MEX3D: variants seen among roughly 807,000 people sequenced by gnomAD.
MEX3D encodes the protein mex-3 RNA binding family member D, also known as RNA-binding protein MEX3D.
MEX3D carries 4 observed loss-of-function variants against 6.3 expected under a neutral mutation model. The observed-to-expected ratio is 0.64, with a 90% CI of 0.31 to 1.46. The LOEUF is 1.46. Among genes scored for constraint, MEX3D ranks in the 40% most tolerant of loss-of-function variants. The pLI is 0.07. For missense variants in MEX3D, 1,038 were observed against 994.4 expected (o/e 1.04, Z -0.59); for synonymous variants, 626 against 494.1 (o/e 1.27, Z -3.54).
rs375851538 is a variant in MEX3D at position 1,556,604 on chromosome 19, G to C, written c.915C>G (p.Thr305=). 1.2e-6 allele frequency: 2 copies of C among 1,610,074 alleles called. No individual in the cohort carries two copies. Among genetic ancestry groups the C allele is most frequent in the African/African-American group, 1.3e-5 (1 of 74,904 alleles). Residue 305 remains threonine, a synonymous_variant, in exon 2 of 2, where the codon ACC becomes ACG. Coordinates refer to ENST00000402693, the MANE Select transcript of MEX3D (RefSeq NM_203304.4). The surrounding 1 kb of genome is among the most constrained non-coding windows in gnomAD (Gnocchi z 7.5). ...TIKRIQQRTH[T]YIVTPGRDKE... is the part of the protein sequence containing the mutation. ...TGTCGCGCCCGGGCGTCACGATGTA[G>C]GTGTGCGTCCGCTGCTGGATGCGCT...
chr19:1,556,781 G>C lies in MEX3D; in HGVS notation c.738C>G (p.His246Gln). Reference sequence around the variant, plus strand: ...TGCGCGTGGCGCGGATGATGGAGAAGTGTTCGGCCGCCGACAGGATCTCAC... The same window carrying C: ...TGCGCGTGGCGCGGATGATGGAGAACTGTTCGGCCGCCGACAGGATCTCAC... ...AKREILSAAEHFSIIRATRSK... is the reference protein window; with the variant it reads ...AKREILSAAEQFSIIRATRSK... Residue 246 changes from histidine (H) to glutamine (Q), a missense_variant, in exon 2 of 2, where the codon CAC becomes CAG. Physicochemically the swap from His to Gln is conservative, Grantham distance 24. Coordinates refer to ENST00000402693, the MANE Select transcript of MEX3D (RefSeq NM_203304.4). This position sits in a 1 kb window ranked among gnomAD's most constrained non-coding sequence, Gnocchi z 7.5. 6.2e-7 allele frequency: 1 copy of C among 1,612,582 alleles called. No homozygotes were observed. The highest frequency in any genetic ancestry group is 8.5e-7 in the Non-Finnish European group (1 of 1,179,790).
intron 1 of MEX3D, among the ~76,000 whole-genome samples, chr19:1,566,474 C>T (rs933484981): frequency 3.3e-5 from 5 of 152,214 alleles, no homozygotes; most frequent in South Asian, 2.1e-4. Flanking sequence ...GAGGCAGGGA[C>T]CCCCAGCCCA....
intron 1 of MEX3D, among the ~76,000 whole-genome samples, chr19:1,559,520 C>T (rs763123937): frequency 6.6e-6 from 1 of 152,210 alleles, no homozygotes; most frequent in Non-Finnish European, 1.5e-5. Context: ...CCTGCCTCGG[C>T]CTCCCAAAGT....
intron 1 of MEX3D, among the ~76,000 whole-genome samples, chr19:1,562,347 A>G (rs994450915): frequency 2.7e-5 from 4 of 150,874 alleles, no homozygotes; most frequent in Non-Finnish European, 5.9e-5. Flanking sequence ...CAACATGGTG[A>G]AACCCCATCT....
intron 1 of MEX3D, among the ~76,000 whole-genome samples, chr19:1,565,428 G>C (rs1914814892): frequency 6.6e-6 from 1 of 152,124 alleles, no homozygotes; most frequent in Non-Finnish European, 1.5e-5. Context: ...TGTAATCCCA[G>C]CTACTCAGGA....
intron 1 of MEX3D, among the ~76,000 whole-genome samples, chr19:1,562,264 A>AGAAAAG (rs1229355634): frequency 2.1e-4 from 32 of 149,712 alleles, no homozygotes; most frequent in Middle Eastern, 3.7e-3. Context: ...CCGTCTCAAA[A>AGAAAAG]AAAAAAAAAA....
At chr19:1,557,061 A>C (rs1914592345) in intron 1 of MEX3D, 138 bp from the exon 2 acceptor site, 1 of 1,060,610 alleles carries the variant, frequency 9.4e-7, no homozygotes, top group Admixed American at 2.7e-5. Flanking sequence ...ATCCTCAGAC[A>C]CGCCACGTCC....
In MEX3D at chr19:1,567,104, G is replaced by A. The variant is rs1222079245; in HGVS notation, c.595+360C>T. Among the ~76,000 whole-genome samples the A allele has an allele frequency of 6.6e-6, 1 of 152,058 alleles. No individual in the cohort carries two copies. The highest frequency in any genetic ancestry group is 1.5e-5 in the Non-Finnish European group (1 of 67,934). On this transcript the variant is annotated intron_variant, in intron 1 of 1. Coordinates refer to ENST00000402693, the MANE Select transcript of MEX3D (RefSeq NM_203304.4). The surrounding 1 kb of genome is among the most constrained non-coding windows in gnomAD (Gnocchi z 6.5). ...GCCCCGCCGCCTGTGCTGGGTGTGG[G>A]GCGCCCCCCGCCCGGCCGGAGCCCC...
chr19:1,558,424 GAC>G (rs1285163289), intron 1 of MEX3D, among the ~76,000 whole-genome samples: 1 of 151,622 alleles, frequency 6.6e-6, no homozygotes, highest in East Asian at 1.9e-4. Context: ...GCCTTGTGGA[GAC>G]ACAGACAGAG....
rs760022510 is a variant in MEX3D, at chr19:1,555,376, C to T, written c.*187G>A. ...CTGAGGCGCCGCCGGGCTGCGGGGT[C>T]TCCGTCTCCACGCCTGAGGCGGCAG... On this transcript the variant is annotated 3_prime_UTR_variant, in exon 2 of 2. Transcript: ENST00000402693. The T allele has an allele frequency of 5.6e-6, 9 of 1,601,854 alleles. No individual in the cohort carries two copies. Among genetic ancestry groups the T allele is most frequent in the South Asian group, 5.5e-5 (5 of 90,102 alleles).
In MEX3D at chr19:1,555,703, C is replaced by T. The variant is rs770337930; in HGVS notation, c.1816G>A (p.Gly606Ser). ...LARECVVCAE[G>S]EVMAALVPCG... The stretch of plus-strand genomic sequence containing the variant: ...GGGACCAGCGCAGCCATCACCTCGC[C>T]CTCGGCGCACACCACGCACTCTCGC... The change falls in exon 2 of 2, where the codon GGC becomes AGC. Residue 606 changes from glycine to serine, a missense_variant. By Grantham distance (56) the Gly-to-Ser change is moderately conservative (BLOSUM62 0). This residue lies in a region of MEX3D where 581 missense variants were observed against 516.2 expected (regional missense o/e 1.13). Transcript: ENST00000402693. 1 of 1,554,524 alleles carries T rather than the reference C, an allele frequency of 6.4e-7. No individual in the cohort carries two copies. The highest frequency in any genetic ancestry group is 8.7e-7 in the Non-Finnish European group (1 of 1,155,300).
intron 1 of MEX3D, among the ~76,000 whole-genome samples, chr19:1,563,098 G>A (rs1914759700): frequency 6.6e-6 from 1 of 152,236 alleles, no homozygotes; most frequent in Non-Finnish European, 1.5e-5. Flanking sequence ...AGTTGGGTCT[G>A]CAGTGTGGAG....
At chr19:1,557,930 G>C (rs1262320726) in intron 1 of MEX3D, among the ~76,000 whole-genome samples, 1 of 130,794 alleles carries the variant, frequency 7.6e-6, no homozygotes, top group Admixed American at 8.7e-5. Flanking sequence ...GCGCACGCCT[G>C]TAATCCCAGC....
At chr19:1,562,520 G>A (rs1025600816) in intron 1 of MEX3D, among the ~76,000 whole-genome samples, 8 of 151,368 alleles carry the variant, frequency 5.3e-5, no homozygotes, top group Admixed American at 2.0e-4. Context: ...GTGAGACTCC[G>A]CCTCAAAAGA....
At chr19:1,558,049 CAAAAAAAA>C (rs35362564) in intron 1 of MEX3D, among the ~76,000 whole-genome samples, 9 of 83,846 alleles carry the variant, frequency 1.1e-4, no homozygotes, top group East Asian at 3.4e-4. Context: ...GACTCCATTT[CAAAAAAAA>C]AAAAAAAAAA....
Position 1,556,765 on chromosome 19 carries a change from C to G in MEX3D, c.754G>C (p.Ala252Pro). Residue 252 changes from alanine (A) to proline (P), a missense_variant, in exon 2 of 2, where the codon GCC becomes CCC. Physicochemically the swap from Ala to Pro is conservative, Grantham distance 27 (BLOSUM62 -1). Transcript: ENST00000402693. This position sits in a 1 kb window ranked among gnomAD's most constrained non-coding sequence, Gnocchi z 7.5. The stretch of plus-strand genomic sequence containing the variant: ...AGACCCCCGGCCTTGCTGCGCGTGG[C>G]GCGGATGATGGAGAAGTGTTCGGCC... ...SAAEHFSIIR[A>P]TRSKAGGLPG... is the part of the protein sequence containing the mutation. The G allele has an allele frequency of 6.2e-7, 1 of 1,612,474 alleles. No homozygotes were observed. Among genetic ancestry groups the G allele is most frequent in the Non-Finnish European group, 8.5e-7 (1 of 1,179,744 alleles).
chr19:1,562,568 C>T (rs1265703650), intron 1 of MEX3D, among the ~76,000 whole-genome samples: 5 of 151,620 alleles, frequency 3.3e-5, no homozygotes, highest in Admixed American at 6.6e-5. Context: ...TGTGTTGGTG[C>T]GCACCTGTGG....
rs548655334 is a variant in MEX3D, at chr19:1,562,979, C to T, written c.595+4485G>A. Among the ~76,000 whole-genome samples, 3 of 152,238 alleles carry T rather than the reference C, an allele frequency of 2.0e-5. No homozygotes were observed. In the South Asian group the frequency reaches 6.2e-4, roughly 32 times the overall value. On this transcript the variant is annotated intron_variant, in intron 1 of 1. Coordinates refer to ENST00000402693, the MANE Select transcript of MEX3D (RefSeq NM_203304.4). ...GCTGCAGTGAGCCGAGACTGAGCCA[C>T]TGTACTCCAGCCTGGGCGACAAGAG...
intron 1 of MEX3D, among the ~76,000 whole-genome samples, chr19:1,566,300 C>A (rs1914837754): frequency 6.6e-6 from 1 of 152,198 alleles, no homozygotes; most frequent in African/African-American, 2.4e-5. Flanking sequence ...GACAAATGAA[C>A]GACCAAAAGA....
Sources: allele counts gnomAD v4.1 joint callset (sites outside exome capture counted in the v4.1 genomes callset), GRCh38; gene constraint gnomAD v4.1.1; regional missense constraint gnomAD v4.1.1; non-coding constraint Gnocchi (gnomAD v3.1); transcripts MANE v1.5; gene names NCBI Gene and HGNC (gene_info 2026-07-23, HGNC 2026-07-21).